Variants in WDR44 observed in about 807,000 individuals in gnomAD.
WDR44 encodes the protein WD repeat domain 44, also known as WD repeat-containing protein 44.
Under a neutral mutation model 65.7 loss-of-function variants are expected in WDR44, and 9 were observed. The observed-to-expected ratio is 0.14, with a 90% confidence interval of 0.08 to 0.24. The LOEUF (loss-of-function observed/expected upper bound fraction) is 0.24, where lower values mean the gene tolerates loss of function less well. Ranked by LOEUF, WDR44 falls within the 10% of genes least tolerant of loss-of-function variation. WDR44 has a pLI of 1.00. For missense variants in WDR44, 425 were observed against 670.9 expected, an observed-to-expected ratio of 0.63 and a Z score of 4.05; for synonymous variants, 220 against 235.2, an observed-to-expected ratio of 0.94 and a Z score of 0.59.
intron 2 of WDR44, among the ~76,000 whole-genome samples, chrX:118,380,274 A>T (rs1188690614): frequency 9.0e-6 from 1 of 111,045 alleles, no homozygotes; most frequent in Non-Finnish European, 1.9e-5. Flanking sequence ...ATGCGAGTGT[A>T]TAGTTCTGCG....
chrX:118,397,749 T>C (rs946882774), intron 7 of WDR44, among the ~76,000 whole-genome samples: 1 of 111,702 alleles, frequency 9.0e-6, no homozygotes, highest in East Asian at 2.8e-4. Context: ...ACTTAATGAG[T>C]GGGGAGGAAG....
Position 118,392,317 on chromosome X carries a change from T to G in WDR44, c.187-315T>G, listed in dbSNP as rs764676661. On this transcript the variant is annotated intron_variant, in intron 3 of 19. Coordinates refer to ENST00000254029, the MANE Select transcript of WDR44 (RefSeq NM_019045.5). ...TTGATTTTACAGGATTATTTGATCT[T>G]TTGTACCTAAGTATTAACACAAATT... is the stretch of plus-strand genomic sequence containing the variant. Among the ~76,000 whole-genome samples, 6 of 112,158 alleles carry G rather than the reference T, an allele frequency of 5.3e-5. No homozygotes were observed. The Admixed American group carries it at 5.7e-4, about 11-fold the overall frequency.
intron 2 of WDR44, among the ~76,000 whole-genome samples, chrX:118,380,625 A>G (rs1389019254): frequency 8.9e-6 from 1 of 112,033 alleles, no homozygotes; most frequent in Non-Finnish European, 1.9e-5. Flanking sequence ...CAGTATATCT[A>G]TTGATATTGT....
intron 1 of WDR44, among the ~76,000 whole-genome samples, chrX:118,362,593 G>GTGCA (rs756759308): frequency 2.4e-4 from 27 of 110,953 alleles, no homozygotes; most frequent in African/African-American, 8.5e-4. Context: ...AGCCTATTCA[G>GTGCA]TGCATGCACT....
At chrX:118,365,113 A>G (rs1382214057) in intron 1 of WDR44, among the ~76,000 whole-genome samples, 2 of 111,980 alleles carry the variant, frequency 1.8e-5, no homozygotes, top group African/African-American at 3.2e-5. Context: ...ATCAGTAAGA[A>G]GTAGAAGAGA....
At chrX:118,428,483 A>G (rs981433018) in intron 12 of WDR44, among the ~76,000 whole-genome samples, 1 of 111,259 alleles carries the variant, frequency 9.0e-6, no homozygotes, top group Non-Finnish European at 1.9e-5. Flanking sequence ...AATATGCTAA[A>G]TTATTAATAA....
Position 118,346,487 on chromosome X carries a change from G to A in WDR44, c.-17G>A. 2 of 1,206,528 alleles carry A rather than the reference G, an allele frequency of 1.7e-6. No individual in the cohort carries two copies. The highest frequency in any genetic ancestry group is 1.1e-6 in the Non-Finnish European group (1 of 892,050). Reference sequence around the variant, plus strand: ...CCAGGCGGCGCCGGCCCCCTCACCCGCGGGTGTGTCCTATAAATGGCGTCG... The same window carrying A: ...CCAGGCGGCGCCGGCCCCCTCACCCACGGGTGTGTCCTATAAATGGCGTCG... On this transcript the variant is annotated 5_prime_UTR_variant, in exon 1 of 20. Coordinates refer to ENST00000254029, the MANE Select transcript of WDR44 (RefSeq NM_019045.5).
chrX:118,404,715 A>G (rs1239189214), intron 9 of WDR44, among the ~76,000 whole-genome samples: 3 of 111,255 alleles, frequency 2.7e-5, no homozygotes, highest in Non-Finnish European at 5.7e-5. Flanking sequence ...TTGTTTGTTT[A>G]TTTGAGATGG....
intron 1 of WDR44, among the ~76,000 whole-genome samples, chrX:118,363,583 A>G (rs1454453554): frequency 9.0e-6 from 1 of 111,342 alleles, no homozygotes; most frequent in Non-Finnish European, 1.9e-5. Flanking sequence ...TAAAGCACAT[A>G]GTAGCTGCAC....
intron 14 of WDR44, among the ~76,000 whole-genome samples, chrX:118,439,568 TC>T (rs974243483): frequency 6.4e-5 from 7 of 109,724 alleles, no homozygotes; most frequent in African/African-American, 2.3e-4. Context: ...AGAATGAGAC[TC>T]CGTCTCAAAA....
At chrX:118,366,046 A>C (rs1185056790) in intron 1 of WDR44, among the ~76,000 whole-genome samples, 1 of 109,027 alleles carries the variant, frequency 9.2e-6, no homozygotes, top group African/African-American at 3.3e-5. Flanking sequence ...GGAGAGTAGA[A>C]TGGAAGTCAC....
At position 118,404,474 on chromosome X, in the gene WDR44, C is replaced by G. The variant is rs745361921; in HGVS notation, c.1381+30C>G. The G allele has an allele frequency of 1.5e-5, 16 of 1,041,771 alleles. No homozygotes were observed. In the South Asian group the frequency reaches 2.8e-4, roughly 18 times the overall value. 85.9% of individuals were successfully genotyped at this position (1,041,771 alleles called of 1,213,427 possible). Reference sequence around the variant, plus strand: ...GTTAAAACAGAACATTTCAACTAAACATTCAATTAATTTGTAATCGTCTAA... The same window carrying G: ...GTTAAAACAGAACATTTCAACTAAAGATTCAATTAATTTGTAATCGTCTAA... On this transcript the variant is annotated intron_variant, in intron 9 of 19. Coordinates refer to ENST00000254029, the MANE Select transcript of WDR44 (RefSeq NM_019045.5).
rs10570740 is a variant in WDR44, at chrX:118,447,875, AATATATATATATATATATATAT to A, written c.2648-1000_2648-979del. Among the ~76,000 whole-genome samples, 88 of 54,787 alleles carry A rather than the reference AATATATATATATATATATATAT, an allele frequency of 1.6e-3. No individual in the cohort carries two copies. In the South Asian group the frequency reaches 0.018, roughly 11 times the overall value. 47.6% of individuals were successfully genotyped at this position (54,787 alleles called of 115,157 possible). A position where few individuals can be genotyped will look rare whatever the true frequency, so the allele number is the denominator to read the frequency against. On this transcript the variant is annotated intron_variant, in intron 19 of 19. Coordinates refer to ENST00000254029, the MANE Select transcript of WDR44 (RefSeq NM_019045.5). ...TGCAACAGAGTGAGACTCTATCTAA[AATATATATATATATATATATAT>A]ATATATATATATATATACTTGTATG...
chrX:118,370,331 T>C (rs1431372345), intron 1 of WDR44, among the ~76,000 whole-genome samples: 1 of 110,684 alleles, frequency 9.0e-6, no homozygotes, highest in Non-Finnish European at 1.9e-5. Flanking sequence ...TAGTGGGAGG[T>C]GTTTCAGTCA....
intron 6 of WDR44, among the ~76,000 whole-genome samples, chrX:118,396,363 C>G (rs965490607): frequency 1.8e-5 from 2 of 111,921 alleles, no homozygotes; most frequent in African/African-American, 6.5e-5. Flanking sequence ...CAAATATTCA[C>G]AGCATCATCA....
At chrX:118,392,543 A>G (rs2056828647) in intron 3 of WDR44, 89 bp from the exon 4 acceptor site, 3 of 768,419 alleles carry the variant, frequency 3.9e-6, no homozygotes, top group South Asian at 5.5e-5. Context: ...ATTGCCTGGC[A>G]CATACTAAGT....
intron 14 of WDR44, 130 bp from the exon 15 acceptor site, chrX:118,441,238 C>A: frequency 1.7e-6 from 1 of 575,753 alleles, no homozygotes; most frequent in Non-Finnish European, 2.7e-6. Flanking sequence ...GGATTATAGG[C>A]GTGAGCCACC....
At chrX:118,369,470 C>CTT (rs1353904561) in intron 1 of WDR44, among the ~76,000 whole-genome samples, 34 of 75,947 alleles carry the variant, frequency 4.5e-4, no homozygotes, top group South Asian at 2.8e-3. Flanking sequence ...CACGCCCGGC[C>CTT]TTTTTTTTTT....
chrX:118,380,772 G>T (rs1391254591), intron 2 of WDR44, among the ~76,000 whole-genome samples: 1 of 112,087 alleles, frequency 8.9e-6, no homozygotes, highest in Non-Finnish European at 1.9e-5. Flanking sequence ...GCCACAAGGG[G>T]TTTGGAGGAA....
Sources: gnomAD v4.1 joint callset for allele counts (sites outside exome capture counted in the v4.1 genomes callset) on GRCh38, gnomAD v4.1.1 for gene constraint, MANE v1.5 for transcripts, NCBI Gene and HGNC (gene_info 2026-07-23, HGNC 2026-07-21) for gene names.